BMPR1B: variants seen among roughly 807,000 people sequenced by gnomAD.
The protein encoded by BMPR1B is bone morphogenetic protein receptor type 1B.
A neutral mutation model predicts 59.1 loss-of-function variants in BMPR1B; 12 were observed. The ratio of observed to expected loss-of-function variants is 0.20; its 90% CI spans 0.13 to 0.33. The LOEUF (loss-of-function observed/expected upper bound fraction) is 0.33. Among genes scored for constraint, BMPR1B ranks in the 10% least tolerant of loss-of-function variants. The pLI is 1.00. For missense variants in BMPR1B, 550 were observed against 610.9 expected (o/e 0.90, Z 1.05); for synonymous variants, 237 against 207.3 (o/e 1.14, Z -1.23).
At chr4:94,818,107 T>TA (rs1384664501) in intron 1 of BMPR1B, among the ~76,000 whole-genome samples, 1 of 152,200 alleles carries the variant, frequency 6.6e-6, no homozygotes, top group Non-Finnish European at 1.5e-5. Context: ...TTTTCAGTAA[T>TA]AAAAAAGCAC....
chr4:95,040,153 G>T (rs1725551583), intron 3 of BMPR1B, among the ~76,000 whole-genome samples: 1 of 151,932 alleles, frequency 6.6e-6, no homozygotes. Context: ...TCTACTATTA[G>T]TATCTTCTCT....
At chr4:94,924,858 T>C (rs1020053723) in intron 2 of BMPR1B, among the ~76,000 whole-genome samples, 4 of 152,166 alleles carry the variant, frequency 2.6e-5, no homozygotes, top group South Asian at 2.1e-4. Context: ...TTTTCAGTGA[T>C]GTGAGCCAAA....
intron 4 of BMPR1B, among the ~76,000 whole-genome samples, chr4:95,114,221 A>T (rs923125002): frequency 1.3e-5 from 2 of 152,156 alleles, no homozygotes; most frequent in Admixed American, 6.6e-5. Flanking sequence ...GAGCAAGAAC[A>T]GTATAAACAG....
At chr4:94,871,930 A>T (rs1342911268) in intron 1 of BMPR1B, among the ~76,000 whole-genome samples, 5 of 152,232 alleles carry the variant, frequency 3.3e-5, no homozygotes, top group Non-Finnish European at 1.5e-5. Flanking sequence ...ATGAATGCTT[A>T]CTCATGTTGT....
At chr4:94,952,442 G>A (rs187841603) in intron 2 of BMPR1B, among the ~76,000 whole-genome samples, 9 of 152,038 alleles carry the variant, frequency 5.9e-5, no homozygotes, top group Non-Finnish European at 7.4e-5. Context: ...TGTGTCCCAG[G>A]GATTCTGGTA....
At chr4:94,912,314 G>A (rs1472347760) in intron 2 of BMPR1B, among the ~76,000 whole-genome samples, 1 of 152,138 alleles carries the variant, frequency 6.6e-6, no homozygotes, top group Non-Finnish European at 1.5e-5. Context: ...AAAGTACAAA[G>A]TGGAAGCTTT....
chr4:94,934,528 G>C (rs537376923), intron 2 of BMPR1B, among the ~76,000 whole-genome samples: 1 of 141,974 alleles, frequency 7.0e-6, no homozygotes, highest in Non-Finnish European at 1.5e-5. Flanking sequence ...TTAAGCGTTA[G>C]AAACTTGTTG....
chr4:94,867,000 T>C (rs1443187495), intron 1 of BMPR1B, among the ~76,000 whole-genome samples: 4 of 152,218 alleles, frequency 2.6e-5, no homozygotes, highest in Middle Eastern at 3.2e-3. Context: ...ATCTCCTGTA[T>C]CCAGTAGGGC....
chr4:95,137,064 T>C (rs990956779), intron 10 of BMPR1B, among the ~76,000 whole-genome samples: 3 of 152,178 alleles, frequency 2.0e-5, no homozygotes, highest in African/African-American at 7.2e-5. Flanking sequence ...ATGAATTTCC[T>C]TCTACACACT....
intron 2 of BMPR1B, among the ~76,000 whole-genome samples, chr4:94,993,278 C>T (rs1466451790): frequency 6.6e-6 from 1 of 152,094 alleles, no homozygotes; most frequent in Non-Finnish European, 1.5e-5. Flanking sequence ...AGATTATCCA[C>T]TTCTACATAA....
chr4:95,071,652 G>GTATATATATATA (rs58148216), intron 3 of BMPR1B, among the ~76,000 whole-genome samples: 79 of 84,314 alleles, frequency 9.4e-4, no homozygotes, highest in South Asian at 1.9e-3. Flanking sequence ...GTGTGTGTGT[G>GTATATATATATA]TATATATATA....
At position 94,916,113 on chromosome 4, in the gene BMPR1B, C is replaced by T. The variant is rs566791354; in HGVS notation, c.-113+40213C>T. 2.6e-5 allele frequency among the ~76,000 whole-genome samples: 4 copies of T among 152,256 alleles called. No homozygotes were observed. In the East Asian group the frequency reaches 7.7e-4, roughly 29 times the overall value. ...ACCATGAGCTGGTTAAACCTCTTTT[C>T]TTTGTAAATTACCCAGTCTTAAGTA... On this transcript the variant is annotated intron_variant, in intron 2 of 12. Transcript: ENST00000515059.
chr4:95,098,704 C>A (rs1236127713), intron 3 of BMPR1B, among the ~76,000 whole-genome samples: 1 of 151,902 alleles, frequency 6.6e-6, no homozygotes, highest in East Asian at 1.9e-4. Flanking sequence ...TGTTAACTTA[C>A]ACATTATCAA....
intron 1 of BMPR1B, among the ~76,000 whole-genome samples, chr4:94,794,671 T>C (rs1274438770): frequency 6.6e-6 from 1 of 151,872 alleles, no homozygotes; most frequent in East Asian, 1.9e-4. Flanking sequence ...TTCTTCCATT[T>C]CTTTGTATCG....
intron 3 of BMPR1B, among the ~76,000 whole-genome samples, chr4:95,018,738 C>T (rs1324275730): frequency 1.3e-5 from 2 of 152,108 alleles, no homozygotes; most frequent in East Asian, 3.8e-4. Context: ...AACTGACAAA[C>T]AAACCAGCCT....
chr4:95,021,970 C>G lies in BMPR1B; in HGVS notation c.-18+25836C>G, dbSNP rs140271758. Among the ~76,000 whole-genome samples, 7 of 152,146 alleles carry G rather than the reference C, an allele frequency of 4.6e-5. No homozygotes were observed. In the East Asian group the frequency reaches 1.3e-3, roughly 29 times the overall value. ...ATATGTGTTACCTCAAAATAGCTTGCTAAATAGATGAAAAATAACTTGTTT... is the reference window on the plus strand; with the variant it reads ...ATATGTGTTACCTCAAAATAGCTTGGTAAATAGATGAAAAATAACTTGTTT... On this transcript the variant is annotated intron_variant, in intron 3 of 12. Coordinates refer to ENST00000515059, the MANE Select transcript of BMPR1B (RefSeq NM_001203.3).
At chr4:95,137,362 G>A (rs186534245) in intron 10 of BMPR1B, among the ~76,000 whole-genome samples, 120 of 152,288 alleles carry the variant, frequency 7.9e-4, no homozygotes, top group Non-Finnish European at 1.5e-3. Context: ...GTGCAATGTG[G>A]TGCTGAGAAG....
At chr4:94,848,701 G>A (rs913690560) in intron 1 of BMPR1B, among the ~76,000 whole-genome samples, 1 of 152,200 alleles carries the variant, frequency 6.6e-6, no homozygotes, top group Non-Finnish European at 1.5e-5. Context: ...GCATGGATAG[G>A]AATGTTAGGA....
intron 1 of BMPR1B, among the ~76,000 whole-genome samples, chr4:94,832,807 TAGTGC>T (rs1470409688): frequency 1.3e-5 from 2 of 151,262 alleles, no homozygotes; most frequent in African/African-American, 2.4e-5. Flanking sequence ...TAAGGAAAGG[TAGTGC>T]AGTGTATTGG....
Sources: gnomAD v4.1 joint callset for allele counts (sites outside exome capture counted in the v4.1 genomes callset) on GRCh38, gnomAD v4.1.1 for gene constraint, MANE v1.5 for transcripts, NCBI Gene and HGNC (gene_info 2026-07-23, HGNC 2026-07-21) for gene names.